ALS2CL: variants seen among roughly 807,000 people sequenced by gnomAD.
ALS2CL encodes ALS2 C-terminal like.
A neutral mutation model predicts 127.9 loss-of-function variants in ALS2CL; 112 were observed. That is an observed-to-expected ratio of 0.88 (90% CI 0.75 to 1.02). ALS2CL has a LOEUF of 1.02. Among genes scored for constraint, ALS2CL ranks in the 50% least tolerant of loss-of-function variants. ALS2CL has a pLI of 0.00. For missense variants in ALS2CL, 1,174 were observed against 1,236.7 expected (o/e 0.95, Z 0.76); for synonymous variants, 519 against 527.6 (o/e 0.98, Z 0.22).
chr3:46,685,339 A>G (rs1332047280), intron 7 of ALS2CL, among the ~76,000 whole-genome samples, 186 bp downstream of exon 7: 2 of 152,216 alleles, frequency 1.3e-5, no homozygotes, highest in Non-Finnish European at 2.9e-5. Flanking sequence ...CTTTCCCCTC[A>G]GCCCATGCTC....
At chr3:46,678,495 T>A (rs1699057332) in intron 15 of ALS2CL, 106 bp from the exon 16 acceptor site, 1 of 1,409,154 alleles carries the variant, frequency 7.1e-7, no homozygotes, top group Non-Finnish European at 9.5e-7. Flanking sequence ...GGCTAAGGAC[T>A]AATGAATGGG....
Position 46,686,530 on chromosome 3 carries a change from C to T in ALS2CL, c.535-91G>A, listed in dbSNP as rs1699800898. Reference sequence around the variant, plus strand: ...TCCCGGCTGGTGGGGAGGCCTGAATCTAGGCCAGACCTTGCCCTTCTCTCC... The same window carrying T: ...TCCCGGCTGGTGGGGAGGCCTGAATTTAGGCCAGACCTTGCCCTTCTCTCC... On this transcript the variant is annotated intron_variant, in intron 5 of 25. Coordinates refer to ENST00000318962, the MANE Select transcript of ALS2CL (RefSeq NM_147129.5). This position sits in a 1 kb window ranked among gnomAD's most constrained non-coding sequence, Gnocchi z 4.3. 1.3e-6 allele frequency: 2 copies of T among 1,503,994 alleles called. No homozygotes were observed. The highest frequency in any genetic ancestry group is 2.0e-5 in the Admixed American group (1 of 48,884). The allele number at this position is 1,503,994 out of a possible 1,614,324, so 93.2% of individuals were successfully genotyped here.
rs1249863789 is a variant in ALS2CL, at chr3:46,684,066, A to T, written c.787-19T>A. 6.4e-7 allele frequency: 1 copy of T among 1,551,906 alleles called. No individual in the cohort carries two copies. Among genetic ancestry groups the T allele is most frequent in the African/African-American group, 1.4e-5 (1 of 73,004 alleles). On this transcript the variant is annotated intron_variant, in intron 7 of 25. Coordinates refer to ENST00000318962, the MANE Select transcript of ALS2CL (RefSeq NM_147129.5). The stretch of plus-strand genomic sequence containing the variant: ...TGTGGCCCTGGAAGAGGATGGACAC[A>T]GGAGTCATCCAGAGCCCAGGCCAGA...
At position 46,689,324 on chromosome 3, in the gene ALS2CL, A is replaced by C; in HGVS notation, c.103+14T>G. Reference sequence around the variant, plus strand: ...TCGGTGCCCTTCCCTCCCCACTAGAAAGCCTAGACTCACCGGCTGGGAGCA... The same window carrying C: ...TCGGTGCCCTTCCCTCCCCACTAGACAGCCTAGACTCACCGGCTGGGAGCA... On this transcript the variant is annotated intron_variant, in intron 2 of 25. Coordinates refer to ENST00000318962, the MANE Select transcript of ALS2CL (RefSeq NM_147129.5). 1 of 1,612,006 alleles carries C rather than the reference A, an allele frequency of 6.2e-7. No homozygotes were observed. Among genetic ancestry groups the C allele is most frequent in the East Asian group, 2.2e-5 (1 of 44,858 alleles).
Position 46,676,635 on chromosome 3 carries a change from C to A in ALS2CL, c.2028+7G>T, listed in dbSNP as rs779727749. The A allele has an allele frequency of 6.2e-7, 1 of 1,612,806 alleles. No individual in the cohort carries two copies. Among genetic ancestry groups the A allele is most frequent in the Non-Finnish European group, 8.5e-7 (1 of 1,179,560 alleles). On this transcript the variant is annotated splice_region_variant and intron_variant, in intron 18 of 25. Coordinates refer to ENST00000318962, the MANE Select transcript of ALS2CL (RefSeq NM_147129.5). ...CACCCCCTTGGCCACCCCAGCAGGG[C>A]TCTCACCTTCCTGAGGTACAGCTGC...
intron 25 of ALS2CL, 85 bp from the exon 26 acceptor site, chr3:46,671,149 G>A: frequency 7.1e-7 from 1 of 1,401,418 alleles, no homozygotes; most frequent in Non-Finnish European, 1.0e-6. Flanking sequence ...ATAGCTGTGT[G>A]CACCCACCTC....
Position 46,680,451 on chromosome 3 carries a change from G to A in ALS2CL, c.1527C>T (p.Thr509=). The A allele has an allele frequency of 6.2e-7, 1 of 1,613,478 alleles. No individual in the cohort carries two copies. Among genetic ancestry groups the A allele is most frequent in the Non-Finnish European group, 8.5e-7 (1 of 1,180,012 alleles). ...VTQAGVCYQG[T]FQADKTVGPG... is the part of the protein sequence containing the mutation. ...TCACCACCGTCTTGTCCGCCTGGAA[G>A]GTGCCCTGGTAGCAGACACCTGCCT... Residue 509 remains threonine (T), a synonymous_variant, in exon 14 of 26, where the codon ACC becomes ACT. Coordinates refer to ENST00000318962, the MANE Select transcript of ALS2CL (RefSeq NM_147129.5).
chr3:46,674,298 G>A (rs913649248), intron 21 of ALS2CL, among the ~76,000 whole-genome samples: 4 of 152,224 alleles, frequency 2.6e-5, no homozygotes, highest in South Asian at 4.1e-4. Flanking sequence ...GGGACTCTGG[G>A]AGAGGAGCTG....
chr3:46,677,013 G>T lies in ALS2CL; in HGVS notation c.1767C>A (p.Gly589=). 6.2e-7 allele frequency: 1 copy of T among 1,604,454 alleles called. No homozygotes were observed. ...GGCTTTCCACGGGGAAGGCACCCAC[G>T]CCCAGCTGCCTGCGATGGGGATGGA... The part of the protein sequence containing the change: ...DPSSTCKRQL[G]VGAFPVESRW... The change falls in exon 17 of 26, where the codon GGC becomes GGA. Residue 589 remains glycine, a synonymous_variant. Coordinates refer to ENST00000318962, the MANE Select transcript of ALS2CL (RefSeq NM_147129.5).
In ALS2CL at chr3:46,686,508, C is replaced by T. The variant is rs367621116; in HGVS notation, c.535-69G>A. 349 of 1,547,098 alleles carry T rather than the reference C, an allele frequency of 2.3e-4. 1 individual carries two copies. The Middle Eastern group carries it at 7.4e-3, about 33-fold the overall frequency. On this transcript the variant is annotated intron_variant, in intron 5 of 25. Transcript: ENST00000318962. The surrounding 1 kb of genome is among the most constrained non-coding windows in gnomAD (Gnocchi z 4.3). ...ATCTTCCCTAGCCCAGTCCTGGTCC[C>T]GGCTGGTGGGGAGGCCTGAATCTAG...
chr3:46,675,067 T>C, intron 20 of ALS2CL: 1 of 260,956 alleles, frequency 3.8e-6, no homozygotes, highest in Non-Finnish European at 7.3e-6. Context: ...CTGATTCAGT[T>C]CCACCTCCTG....
At chr3:46,691,097 C>T (rs1263807738) in intron 1 of ALS2CL, among the ~76,000 whole-genome samples, 4 of 152,204 alleles carry the variant, frequency 2.6e-5, no homozygotes, top group Non-Finnish European at 5.9e-5. Context: ...GAGGCAGACC[C>T]AGGCCCCCAG....
rs1698847149 is a variant in ALS2CL, at chr3:46,676,624, C to A, written c.2028+18G>T. On this transcript the variant is annotated intron_variant, in intron 18 of 25. Coordinates refer to ENST00000318962, the MANE Select transcript of ALS2CL (RefSeq NM_147129.5). Reference sequence around the variant, plus strand: ...AGTGACAATGTCACCCCCTTGGCCACCCCAGCAGGGCTCTCACCTTCCTGA... The same window carrying A: ...AGTGACAATGTCACCCCCTTGGCCAACCCAGCAGGGCTCTCACCTTCCTGA... 3 of 1,611,734 alleles carry A rather than the reference C, an allele frequency of 1.9e-6. No homozygotes were observed. Among genetic ancestry groups the A allele is most frequent in the Non-Finnish European group, 2.5e-6 (3 of 1,179,072 alleles).
In ALS2CL at chr3:46,679,303, C is replaced by G; in HGVS notation, c.1549-16G>C. Reference sequence around the variant, plus strand: ...TGCCCGGGCCCTTGGGGAGAGGAAGCCAGGGAGGGTAGAAAGGGTGGGTGA... The same window carrying G: ...TGCCCGGGCCCTTGGGGAGAGGAAGGCAGGGAGGGTAGAAAGGGTGGGTGA... On this transcript the variant is annotated splice_polypyrimidine_tract_variant and intron_variant, in intron 14 of 25. Transcript: ENST00000318962. The G allele has an allele frequency of 1.3e-6, 2 of 1,569,992 alleles. No homozygotes were observed. Among genetic ancestry groups the G allele is most frequent in the Non-Finnish European group, 1.7e-6 (2 of 1,155,026 alleles).
Position 46,680,489 on chromosome 3 carries a change from C to A in ALS2CL, c.1489G>T (p.Val497Phe), listed in dbSNP as rs777946152. ...CAGACACCTGCCTGGGTGACCATGA[C>A]CCCTGGGCCGTGGCGCTGACCAGCC... is the stretch of plus-strand genomic sequence containing the variant. ...WQAGQRHGPG[V>F]MVTQAGVCYQ... The change falls in exon 14 of 26, where the codon GTC (valine) becomes TTC (phenylalanine). Residue 497 changes from valine to phenylalanine, a missense_variant. Val to Phe is a conservative substitution (Grantham distance 50). Transcript: ENST00000318962. 1.9e-6 allele frequency: 3 copies of A among 1,613,406 alleles called. No individual in the cohort carries two copies. The highest frequency in any genetic ancestry group is 2.5e-6 in the Non-Finnish European group (3 of 1,180,014).
intron 14 of ALS2CL, 140 bp downstream of exon 14, chr3:46,680,290 G>A: frequency 2.3e-6 from 2 of 881,208 alleles, no homozygotes; most frequent in South Asian, 3.2e-5. Flanking sequence ...CTGGCTTCCT[G>A]CCCAGGTTCT....
At position 46,678,256 on chromosome 3, in the gene ALS2CL, C is replaced by T; in HGVS notation, c.1757+3G>A. The stretch of plus-strand genomic sequence containing the variant: ...CCCAGAGCCAGAGGGGCCAGGCACT[C>T]ACCTCTTGCAGGTACTGCTCGGGTC... On this transcript the variant is annotated splice_donor_region_variant and intron_variant, in intron 16 of 25. Coordinates refer to ENST00000318962, the MANE Select transcript of ALS2CL (RefSeq NM_147129.5). The T allele has an allele frequency of 6.3e-7, 1 of 1,576,676 alleles. No homozygotes were observed. Among genetic ancestry groups the T allele is most frequent in the Non-Finnish European group, 8.7e-7 (1 of 1,154,214 alleles).
chr3:46,693,608 C>T lies in ALS2CL; in HGVS notation c.-26+35G>A, dbSNP rs11719061. The stretch of plus-strand genomic sequence containing the variant: ...GAGCTAAGCGTGGAGCGCAGACACC[C>T]GTCCGCAGACGCGCGCCCTTCGTCG... On this transcript the variant is annotated intron_variant, in intron 1 of 25. Transcript: ENST00000318962. 6.6e-6 allele frequency: 1 copy of T among 152,180 alleles called. No individual in the cohort carries two copies. The highest frequency in any genetic ancestry group is 2.4e-5 in the African/African-American group (1 of 41,440). The allele number at this position is 152,180 out of a possible 1,614,324, so 9.4% of individuals were successfully genotyped here.
intron 16 of ALS2CL, among the ~76,000 whole-genome samples, chr3:46,677,702 G>A (rs960928329): frequency 5.3e-5 from 8 of 152,178 alleles, no homozygotes; most frequent in Non-Finnish European, 1.0e-4. Context: ...GTGCAATACT[G>A]AGTCTTCCTC....
Sources: gnomAD v4.1 joint callset for allele counts (sites outside exome capture counted in the v4.1 genomes callset) on GRCh38, gnomAD v4.1.1 for gene constraint, Gnocchi (gnomAD v3.1) non-coding constraint, MANE v1.5 for transcripts, NCBI Gene and HGNC (gene_info 2026-07-23, HGNC 2026-07-21) for gene names.